Variants in RPTOR observed in about 807,000 individuals in gnomAD.
The protein encoded by RPTOR is regulatory-associated protein of mTOR.
Under a neutral mutation model 169.9 loss-of-function variants are expected in RPTOR, and 21 were observed. The observed-to-expected ratio is 0.12, with a 90% CI of 0.09 to 0.18. The LOEUF (loss-of-function observed/expected upper bound fraction) is 0.18. Among genes scored for constraint, RPTOR ranks in the 10% least tolerant of loss-of-function variants. The pLI, the probability that RPTOR is intolerant of heterozygous loss-of-function variation, is 1.00. For synonymous variants in RPTOR, 732 were observed against 753.2 expected (o/e 0.97, Z 0.46); for missense variants, 1,133 against 1,855.9 (o/e 0.61, Z 7.16).
chr17:80,664,192 A>G (rs544203669), intron 3 of RPTOR, among the ~76,000 whole-genome samples: 105 of 152,236 alleles, frequency 6.9e-4, no homozygotes, highest in African/African-American at 2.2e-3. Context: ...CTGCCTTCTC[A>G]TGGGGGCTGG....
chr17:80,599,813 G>T (rs576382268), intron 1 of RPTOR, among the ~76,000 whole-genome samples: 2 of 152,182 alleles, frequency 1.3e-5, no homozygotes, highest in Non-Finnish European at 2.9e-5. Context: ...GGTGGTGGTG[G>T]GAAGCCTGGT....
At chr17:80,550,578 C>T (rs913307406) in intron 1 of RPTOR, among the ~76,000 whole-genome samples, 12 of 152,190 alleles carry the variant, frequency 7.9e-5, no homozygotes. Context: ...ATGCCTACTG[C>T]CTGCTTTTTC....
intron 4 of RPTOR, among the ~76,000 whole-genome samples, chr17:80,718,030 A>T (rs1225227611): frequency 6.6e-6 from 1 of 151,826 alleles, no homozygotes; most frequent in Non-Finnish European, 1.5e-5. Flanking sequence ...CACTTGATAC[A>T]TTTTTTTTCT....
In RPTOR at chr17:80,736,120, G is replaced by A. The variant is rs148639376; in HGVS notation, c.654+5414G>A. Among the ~76,000 whole-genome samples, 128 of 152,068 alleles carry A rather than the reference G, an allele frequency of 8.4e-4. 1 individual carries two copies. Among genetic ancestry groups the A allele is most frequent in the African/African-American group, 2.9e-3 (121 of 41,474 alleles). On this transcript the variant is annotated intron_variant, in intron 5 of 33. Transcript: ENST00000306801. ...TCAGAGCTGGAGGCTGCAGTGAGCC[G>A]TGATTGTGCCACTGCACCTCAGCCT...
At chr17:80,896,636 TC>T (rs2068409787) in intron 20 of RPTOR, among the ~76,000 whole-genome samples, 1 of 151,874 alleles carries the variant, frequency 6.6e-6, no homozygotes, top group Non-Finnish European at 1.5e-5. Context: ...AGCCCGCTCC[TC>T]AGTTCGTTTC....
intron 13 of RPTOR, among the ~76,000 whole-genome samples, chr17:80,869,009 G>A (rs1030009619): frequency 1.3e-5 from 2 of 152,136 alleles, no homozygotes; most frequent in Non-Finnish European, 2.9e-5. Flanking sequence ...AGACTGTGGC[G>A]GTAGCTTCAC....
chr17:80,780,866 C>G (rs56110950), intron 6 of RPTOR, among the ~76,000 whole-genome samples: 8,644 of 152,234 alleles, frequency 0.057, 299 homozygotes, highest in Non-Finnish European at 0.084. Flanking sequence ...TTCCTGATTT[C>G]CCTAATTGAG....
intron 4 of RPTOR, among the ~76,000 whole-genome samples, chr17:80,720,203 C>T (rs1171532426): frequency 2.6e-5 from 4 of 151,860 alleles, no homozygotes; most frequent in African/African-American, 9.7e-5. Context: ...GAGGCTGAGA[C>T]AGGAGAATCG....
At chr17:80,594,531 G>A (rs1038118640) in intron 1 of RPTOR, among the ~76,000 whole-genome samples, 1 of 152,236 alleles carries the variant, frequency 6.6e-6, no homozygotes, top group African/African-American at 2.4e-5. Context: ...GTGCAGAACT[G>A]TATCCCCTTA....
intron 24 of RPTOR, among the ~76,000 whole-genome samples, chr17:80,925,892 C>T (rs2068805965): frequency 6.6e-6 from 1 of 152,250 alleles, no homozygotes; most frequent in Non-Finnish European, 1.5e-5. Context: ...CTCTGAGGCT[C>T]AACCCTGACA....
rs570677567 is a variant in RPTOR at position 80,770,357 on chromosome 17, G to A, written c.830+16172G>A. Among the ~76,000 whole-genome samples, 15 of 152,302 alleles carry A rather than the reference G, an allele frequency of 9.8e-5. No homozygotes were observed. The South Asian group carries it at 2.9e-3, about 29-fold the overall frequency. On this transcript the variant is annotated intron_variant, in intron 6 of 33. Transcript: ENST00000306801. ...TTTAGGAGGGACGTGCCTTCTCAGC[G>A]TAGCAGCCCTCTGGGAAATGAAAGC...
intron 20 of RPTOR, among the ~76,000 whole-genome samples, chr17:80,907,812 C>T (rs779586854): frequency 1.1e-4 from 17 of 152,216 alleles, no homozygotes; most frequent in Non-Finnish European, 1.6e-4. Flanking sequence ...CCCTCCTTTG[C>T]CCAGAGAATG....
intron 3 of RPTOR, among the ~76,000 whole-genome samples, chr17:80,697,858 A>T (rs977104901): frequency 6.6e-6 from 1 of 152,066 alleles, no homozygotes; most frequent in African/African-American, 2.4e-5. Flanking sequence ...GTCATTTTGG[A>T]GGCCTGAAGG....
chr17:80,682,687 A>C (rs7210015), intron 3 of RPTOR, among the ~76,000 whole-genome samples: 61,796 of 152,132 alleles, frequency 0.41, 13,093 homozygotes, highest in East Asian at 0.55. Context: ...TGAATACTTG[A>C]GTCTATAGAG....
At chr17:80,891,887 T>A in intron 18 of RPTOR, 50 bp downstream of exon 18, 7 of 1,336,488 alleles carry the variant, frequency 5.2e-6, no homozygotes, top group Non-Finnish European at 7.5e-6. Context: ...CTGGCGGTTC[T>A]AGTGCAGGCC....
chr17:80,692,825 A>G (rs2066004173), intron 3 of RPTOR, among the ~76,000 whole-genome samples: 1 of 152,254 alleles, frequency 6.6e-6, no homozygotes, highest in East Asian at 1.9e-4. Flanking sequence ...ATGAGTCCAA[A>G]GTTAAATACA....
At chr17:80,680,989 G>C (rs1158177310) in intron 3 of RPTOR, among the ~76,000 whole-genome samples, 1 of 152,130 alleles carries the variant, frequency 6.6e-6, no homozygotes, top group Admixed American at 6.5e-5. Flanking sequence ...CGGAAGAGGA[G>C]AGGGAGCCCG....
At chr17:80,843,621 G>A (rs60377045) in intron 10 of RPTOR, among the ~76,000 whole-genome samples, 211 of 152,172 alleles carry the variant, frequency 1.4e-3, no homozygotes, top group Admixed American at 2.6e-3. Flanking sequence ...GCCGTACAGA[G>A]GGGTAGAATG....
At chr17:80,869,161 G>T (rs2672888) in intron 13 of RPTOR, among the ~76,000 whole-genome samples, 4 of 151,900 alleles carry the variant, frequency 2.6e-5, no homozygotes, top group African/African-American at 9.7e-5. Context: ...ATTTTATTTT[G>T]TTTTTTTATT....
Sources: gnomAD v4.1 joint callset for allele counts (sites outside exome capture counted in the v4.1 genomes callset) on GRCh38, gnomAD v4.1.1 for gene constraint, MANE v1.5 for transcripts, NCBI Gene and HGNC (gene_info 2026-07-23, HGNC 2026-07-21) for gene names.